PTPRD: variants seen among roughly 807,000 people sequenced by gnomAD.
PTPRD encodes the protein protein tyrosine phosphatase receptor type D.
Under a neutral mutation model 214.5 loss-of-function variants are expected in PTPRD, and 34 were observed. That is an observed-to-expected ratio of 0.16 (90% CI 0.12 to 0.21). PTPRD has a LOEUF of 0.21. Among genes scored for constraint, PTPRD ranks in the 10% least tolerant of loss-of-function variants. The probability of loss-of-function intolerance (pLI) is 1.00; values close to 1 mark genes in which losing one functional copy is unlikely to be tolerated. For synonymous variants in PTPRD, 1,128 were observed against 845.7 expected (o/e 1.33, Z -5.79); for missense variants, 2,545 against 2,398.7 (o/e 1.06, Z -1.27).
At chr9:9,816,773 C>G (rs1427760809) in intron 5 of PTPRD, among the ~76,000 whole-genome samples, 8 of 151,834 alleles carry the variant, frequency 5.3e-5, no homozygotes, top group Admixed American at 5.3e-4. Flanking sequence ...AAGGTGCATT[C>G]CTTTAGTAAT....
chr9:9,204,100 G>A (rs1481311101), intron 9 of PTPRD, among the ~76,000 whole-genome samples: 2 of 152,118 alleles, frequency 1.3e-5, no homozygotes, highest in African/African-American at 4.8e-5. Flanking sequence ...TAAAATTAAT[G>A]CTGTGCGCCA....
intron 10 of PTPRD, among the ~76,000 whole-genome samples, chr9:9,142,135 T>C (rs891163346): frequency 6.6e-5 from 10 of 152,226 alleles, no homozygotes; most frequent in Admixed American, 4.6e-4. Context: ...CAAGTGTGGG[T>C]TGTGGACAGG....
At chr9:10,007,845 T>G (rs1052420513) in intron 4 of PTPRD, among the ~76,000 whole-genome samples, 2 of 152,008 alleles carry the variant, frequency 1.3e-5, no homozygotes, top group Admixed American at 6.6e-5. Context: ...CAATCAAATT[T>G]TATTTATCAG....
intron 5 of PTPRD, among the ~76,000 whole-genome samples, chr9:9,775,062 G>C (rs561478037): frequency 6.6e-6 from 1 of 152,098 alleles, no homozygotes; most frequent in Non-Finnish European, 1.5e-5. Context: ...TTATTTCTGA[G>C]AGCTAAACTT....
intron 3 of PTPRD, among the ~76,000 whole-genome samples, chr9:10,286,129 C>T (rs1012957919): frequency 3.3e-5 from 5 of 152,090 alleles, no homozygotes; most frequent in African/African-American, 9.7e-5. Flanking sequence ...TTATGCCTTT[C>T]AATTCTAGAC....
chr9:9,116,016 T>C (rs1488026615), intron 10 of PTPRD, among the ~76,000 whole-genome samples: 1 of 151,914 alleles, frequency 6.6e-6, no homozygotes. Flanking sequence ...GAGCTAAACA[T>C]TGGATACACA....
At chr9:9,591,816 G>A (rs1384650950) in intron 7 of PTPRD, among the ~76,000 whole-genome samples, 2 of 151,958 alleles carry the variant, frequency 1.3e-5, no homozygotes, top group Admixed American at 6.6e-5. Flanking sequence ...TTTGTGGTGA[G>A]GGCATTCCAA....
chr9:8,854,157 G>A lies in PTPRD; in HGVS notation c.-103-120211C>T, dbSNP rs1448395732. On this transcript the variant is annotated intron_variant, in intron 11 of 45. Transcript: ENST00000381196. ...TTTTCGAGATTCCTAGAAACTTTTG[G>A]GAATTAAAAAGGTACCATGATTAAA... Among the ~76,000 whole-genome samples, 4 of 152,072 alleles carry A rather than the reference G, an allele frequency of 2.6e-5. No homozygotes were observed. In the South Asian group the frequency reaches 8.3e-4, roughly 32 times the overall value.
intron 9 of PTPRD, among the ~76,000 whole-genome samples, chr9:9,360,814 T>TC (rs2055830261): frequency 6.6e-6 from 1 of 151,090 alleles, no homozygotes; most frequent in Admixed American, 6.6e-5. Flanking sequence ...TCCAAGTGTA[T>TC]TATGTGAGGA....
At chr9:8,645,151 T>C (rs2096660380) in intron 12 of PTPRD, among the ~76,000 whole-genome samples, 1 of 152,252 alleles carries the variant, frequency 6.6e-6, no homozygotes, top group South Asian at 2.1e-4. Context: ...ACGTACTTTG[T>C]GCCATACTAC....
intron 5 of PTPRD, among the ~76,000 whole-genome samples, chr9:9,803,531 C>T (rs748075360): frequency 1.4e-4 from 22 of 151,878 alleles, no homozygotes; most frequent in Non-Finnish European, 3.1e-4. Flanking sequence ...TGATGAGCAT[C>T]CCAAATAGAT....
At chr9:9,024,271 T>C (rs928888770) in intron 10 of PTPRD, among the ~76,000 whole-genome samples, 1 of 151,556 alleles carries the variant, frequency 6.6e-6, no homozygotes, top group Non-Finnish European at 1.5e-5. Context: ...ATAGTTATTT[T>C]AAATTTTAAT....
intron 2 of PTPRD, among the ~76,000 whole-genome samples, chr9:10,583,632 C>T (rs563866156): frequency 6.6e-6 from 1 of 151,938 alleles, no homozygotes; most frequent in South Asian, 2.1e-4. Flanking sequence ...GCACCCGCCA[C>T]CACGCCCGGC....
intron 3 of PTPRD, among the ~76,000 whole-genome samples, chr9:10,229,253 G>A (rs755807846): frequency 3.9e-5 from 6 of 152,006 alleles, no homozygotes; most frequent in East Asian, 1.9e-4. Flanking sequence ...CACTGTTGGC[G>A]GGACTGTAAA....
intron 11 of PTPRD, among the ~76,000 whole-genome samples, chr9:8,914,738 G>A (rs867301697): frequency 6.6e-5 from 10 of 152,224 alleles, no homozygotes; most frequent in Middle Eastern, 6.8e-3. Flanking sequence ...CGTGAATATT[G>A]AAACTCAATA....
At chr9:9,159,302 T>C (rs558517747) in intron 10 of PTPRD, among the ~76,000 whole-genome samples, 2 of 152,032 alleles carry the variant, frequency 1.3e-5, no homozygotes, top group Non-Finnish European at 2.9e-5. Flanking sequence ...AAATAGCAAA[T>C]AGAGACTATC....
chr9:10,437,931 C>A (rs1336284859), intron 2 of PTPRD, among the ~76,000 whole-genome samples: 2 of 148,488 alleles, frequency 1.3e-5, no homozygotes, highest in African/African-American at 2.5e-5. Flanking sequence ...TTCTGTGTTT[C>A]AAAAATGGAC....
At chr9:9,337,256 T>C (rs1355471537) in intron 9 of PTPRD, among the ~76,000 whole-genome samples, 1 of 152,050 alleles carries the variant, frequency 6.6e-6, no homozygotes, top group Admixed American at 6.6e-5. Context: ...AAAGAAACAA[T>C]GTATCCAAAA....
chr9:9,910,911 G>C (rs974296441), intron 5 of PTPRD, among the ~76,000 whole-genome samples: 3 of 151,916 alleles, frequency 2.0e-5, no homozygotes, highest in African/African-American at 7.3e-5. Context: ...TTACATTATG[G>C]GCTCGAGTAG....
Sources: allele counts gnomAD v4.1 joint callset (sites outside exome capture counted in the v4.1 genomes callset), GRCh38; gene constraint gnomAD v4.1.1; transcripts MANE v1.5; gene names NCBI Gene and HGNC (gene_info 2026-07-23, HGNC 2026-07-21).